Variants in GASK1B observed in about 807,000 individuals in gnomAD.
The protein encoded by GASK1B is Golgi-associated kinase 1B.
GASK1B carries 34 observed loss-of-function variants against 42.8 expected under a neutral mutation model. The observed-to-expected ratio is 0.79, with a 90% confidence interval of 0.60 to 1.06. GASK1B has a LOEUF of 1.06. Among genes scored for constraint, GASK1B ranks in the 50% least tolerant of loss-of-function variants. GASK1B has a pLI of 0.00. For missense variants in GASK1B, 686 were observed against 661.0 expected, an observed-to-expected ratio of 1.04 and a Z score of -0.42; for synonymous variants, 262 against 259.1, an observed-to-expected ratio of 1.01 and a Z score of -0.11.
chr4:158,170,213 A>T (rs769795651), intron 2 of GASK1B: 35 of 1,606,208 alleles, frequency 2.2e-5, no homozygotes, highest in Non-Finnish European at 2.8e-5. Context: ...AAGCGAGGGA[A>T]ATGGAGAGCA....
chr4:158,169,845 A>G (rs1001122886), intron 2 of GASK1B: 1 of 182,136 alleles, frequency 5.5e-6, no homozygotes, highest in South Asian at 1.3e-4. Flanking sequence ...GACAGACTCA[A>G]TAGATCATAG....
In GASK1B at chr4:158,140,214, C is replaced by T. The variant is rs185292098; in HGVS notation, c.1126-9202G>A. 2.8e-4 allele frequency among the ~76,000 whole-genome samples: 43 copies of T among 152,248 alleles called. 1 individual carries two copies. The highest frequency in any genetic ancestry group is 8.4e-4 in the African/African-American group (35 of 41,558). ...GAAAATAGTTTTGCCCTTATGGACT[C>T]GCAGAAAGGCACACAAAAACCATGC... On this transcript the variant is annotated intron_variant, in intron 3 of 4. Transcript: ENST00000585682.
intron 2 of GASK1B, among the ~76,000 whole-genome samples, chr4:158,156,491 T>C (rs1304389803): frequency 1.3e-5 from 2 of 152,192 alleles, no homozygotes; most frequent in Non-Finnish European, 2.9e-5. Flanking sequence ...TTCAACTGCA[T>C]GTTCATAGAT....
intron 2 of GASK1B, among the ~76,000 whole-genome samples, chr4:158,160,753 A>C (rs1579043464): frequency 6.6e-6 from 1 of 152,310 alleles, no homozygotes; most frequent in Non-Finnish European, 1.5e-5. Flanking sequence ...TTACGTAAAC[A>C]TAATGGAGTA....
intron 2 of GASK1B, among the ~76,000 whole-genome samples, chr4:158,167,685 G>A (rs1163062482): frequency 6.6e-6 from 1 of 152,142 alleles, no homozygotes; most frequent in Non-Finnish European, 1.5e-5. Flanking sequence ...CTAGAGAGTA[G>A]TGGGAAGGAA....
At chr4:158,170,384 T>C in intron 2 of GASK1B, 82 bp downstream of exon 2, 1 of 1,614,010 alleles carries the variant, frequency 6.2e-7, no homozygotes, top group Non-Finnish European at 8.5e-7. Flanking sequence ...GAAAAATCAT[T>C]TAGAAAAAGA....
At position 158,170,753 on chromosome 4, in the gene GASK1B, T is replaced by C. The variant is rs1316443834; in HGVS notation, c.623A>G (p.Tyr208Cys). The C allele has an allele frequency of 1.2e-6, 2 of 1,614,108 alleles. No individual in the cohort carries two copies. Among genetic ancestry groups the C allele is most frequent in the East Asian group, 4.5e-5 (2 of 44,882 alleles). The change falls in exon 2 of 5, where the codon TAC becomes TGC. Residue 208 changes from tyrosine (Y) to cysteine (C), a missense_variant. Transcript: ENST00000585682. ...PSSRESNIRI[Y>C]SESAPSWLSK... Reference sequence around the variant, plus strand: ...CAGCCAGGAGGGGGCGCTCTCGCTGTAGATCCTAATGTTGCTCTCCCTGGA... The same window carrying C: ...CAGCCAGGAGGGGGCGCTCTCGCTGCAGATCCTAATGTTGCTCTCCCTGGA...
Position 158,137,529 on chromosome 4 carries a change from A to G in GASK1B, c.1126-6517T>C, listed in dbSNP as rs190077508. 3.3e-4 allele frequency among the ~76,000 whole-genome samples: 51 copies of G among 152,312 alleles called. 1 individual carries two copies. The East Asian group carries it at 7.7e-3, about 23-fold the overall frequency. The stretch of plus-strand genomic sequence containing the variant: ...CCCTTTTCATGAATTTGTCTTGATG[A>G]AAACCACTGTATGGTTGCCATATTA... On this transcript the variant is annotated intron_variant, in intron 3 of 4. Coordinates refer to ENST00000585682, the MANE Select transcript of GASK1B (RefSeq NM_001128424.2).
intron 3 of GASK1B, among the ~76,000 whole-genome samples, chr4:158,138,553 T>G (rs1730995017): frequency 6.6e-6 from 1 of 152,168 alleles, no homozygotes; most frequent in African/African-American, 2.4e-5. Context: ...TTCATTTATA[T>G]CTGAAGGAAT....
At position 158,170,844 on chromosome 4, in the gene GASK1B, G is replaced by C. The variant is rs1408062020; in HGVS notation, c.532C>G (p.Arg178Gly). The C allele has an allele frequency of 1.9e-6, 3 of 1,614,094 alleles. No individual in the cohort carries two copies. Among genetic ancestry groups the C allele is most frequent in the East Asian group, 2.2e-5 (1 of 44,892 alleles). ...GGACCCCGCACCAACCTCCAGGGTC[G>C]CTCTCCAATCTTAACCAGGTTTGCT... Reference protein sequence around the residue: ...QGANLVKIGERPWRLVRGPGV... With the variant: ...QGANLVKIGEGPWRLVRGPGV... The change falls in exon 2 of 5, where the codon CGA becomes GGA. Residue 178 changes from arginine (R) to glycine (G), a missense_variant. Physicochemically the swap from Arg to Gly is moderately radical, Grantham distance 125 (BLOSUM62 -2). Coordinates refer to ENST00000585682, the MANE Select transcript of GASK1B (RefSeq NM_001128424.2).
intron 1 of GASK1B, among the ~76,000 whole-genome samples, 175 bp from the exon 2 acceptor site, chr4:158,171,774 C>A (rs886565241): frequency 6.6e-6 from 1 of 152,060 alleles, no homozygotes; most frequent in Admixed American, 6.5e-5. Flanking sequence ...TTGATAGTCA[C>A]TTGAAAGTAG....
chr4:158,137,042 G>A (rs1167541377), intron 3 of GASK1B, among the ~76,000 whole-genome samples: 2 of 152,052 alleles, frequency 1.3e-5, no homozygotes, highest in Non-Finnish European at 2.9e-5. Context: ...TCAAGATAAC[G>A]GATTTTTTTA....
chr4:158,170,324 T>C (rs769987028), intron 2 of GASK1B, 142 bp downstream of exon 2: 2 of 1,614,226 alleles, frequency 1.2e-6, no homozygotes, highest in South Asian at 1.1e-5. Flanking sequence ...GCCAAGCGCA[T>C]GGAAAGACAC....
chr4:158,143,476 G>T (rs1471479094), intron 3 of GASK1B, among the ~76,000 whole-genome samples: 1 of 152,120 alleles, frequency 6.6e-6, no homozygotes, highest in African/African-American at 2.4e-5. Flanking sequence ...AGTTGGGGAA[G>T]ACCAAAGACC....
intron 3 of GASK1B, among the ~76,000 whole-genome samples, chr4:158,151,288 G>A (rs891860729): frequency 3.3e-5 from 5 of 152,064 alleles, no homozygotes; most frequent in African/African-American, 4.8e-5. Context: ...AAAAATTTGC[G>A]ATAAATTTAA....
chr4:158,165,911 A>T (rs1732213308), intron 2 of GASK1B, among the ~76,000 whole-genome samples: 1 of 152,230 alleles, frequency 6.6e-6, no homozygotes, highest in Admixed American at 6.5e-5. Context: ...GACAACACAC[A>T]TCAAATACAG....
At chr4:158,170,442 T>C in intron 2 of GASK1B, 24 bp downstream of exon 2, 4 of 1,613,900 alleles carry the variant, frequency 2.5e-6, no homozygotes, top group Non-Finnish European at 3.4e-6. Context: ...CAGCTGCAAA[T>C]AACGAAGCAT....
In GASK1B at chr4:158,127,356, A is replaced by G; in HGVS notation, c.*51T>C. 1 of 1,536,906 alleles carries G rather than the reference A, an allele frequency of 6.5e-7. No homozygotes were observed. The highest frequency in any genetic ancestry group is 8.9e-7 in the Non-Finnish European group (1 of 1,124,542). On this transcript the variant is annotated 3_prime_UTR_variant, in exon 5 of 5. Transcript: ENST00000585682. ...GGTTGATGTGCTTGATTTAAAAACA[A>G]AACCAAAAATGCATAAATATATCTA...
chr4:158,172,361 C>G (rs907889825), intron 1 of GASK1B: 18 of 152,160 alleles, frequency 1.2e-4, no homozygotes, highest in African/African-American at 4.3e-4. Context: ...ATGCTTGGCT[C>G]CAGGAAGAAT....
Sources: gnomAD v4.1 joint callset for allele counts (sites outside exome capture counted in the v4.1 genomes callset) on GRCh38, gnomAD v4.1.1 for gene constraint, MANE v1.5 for transcripts, NCBI Gene and HGNC (gene_info 2026-07-23, HGNC 2026-07-21) for gene names.